AKT2: variants seen among roughly 807,000 people sequenced by gnomAD.
The protein encoded by AKT2 is RAC-beta serine/threonine-protein kinase.
AKT2 carries 16 observed loss-of-function variants against 58.6 expected under a neutral mutation model. The ratio of observed to expected loss-of-function variants is 0.27; its 90% CI spans 0.18 to 0.41. The LOEUF is 0.41. Ranked by LOEUF, AKT2 falls within the 10% of genes least tolerant of loss-of-function variation. The pLI, the probability that AKT2 is intolerant of heterozygous loss-of-function variation, is 1.00. For missense variants in AKT2, 438 were observed against 661.0 expected (o/e 0.66, Z 3.70); for synonymous variants, 253 against 254.0 (o/e 1.00, Z 0.04).
At chr19:40,256,186 G>A (rs1349662031) in intron 3 of AKT2, among the ~76,000 whole-genome samples, 4 of 152,144 alleles carry the variant, frequency 2.6e-5, no homozygotes, top group Non-Finnish European at 4.4e-5. Flanking sequence ...GATGTGTCAG[G>A]GTCACCAGCA....
rs960224177 is a variant in AKT2, at chr19:40,233,401, G to C, written c.*471C>G. On this transcript the variant is annotated 3_prime_UTR_variant, in exon 14 of 14. Transcript: ENST00000392038. The surrounding 1 kb of genome is among the most constrained non-coding windows in gnomAD (Gnocchi z 4.3). ...AGCGGGTGGGGGATTGGACCGCCCC[G>C]TGCCTGGCCACTCCGAGCCTAGGCC... 2.2e-6 allele frequency: 1 copy of C among 460,506 alleles called. No individual in the cohort carries two copies. The highest frequency in any genetic ancestry group is 4.1e-6 in the Non-Finnish European group (1 of 243,290). 28.5% of individuals were successfully genotyped at this position (460,506 alleles called of 1,614,324 possible).
At position 40,241,981 on chromosome 19, in the gene AKT2, T is replaced by C; in HGVS notation, c.530A>G (p.Tyr177Cys). 1.2e-6 allele frequency: 2 copies of C among 1,614,220 alleles called. No individual in the cohort carries two copies. Among genetic ancestry groups the C allele is most frequent in the South Asian group, 2.2e-5 (2 of 91,090 alleles). The change falls in exon 6 of 14, where the codon TAC (tyrosine) becomes TGC (cysteine). Residue 177 changes from tyrosine to cysteine, a missense_variant. Around this residue, in one of 3 missense-constraint regions of AKT2, gnomAD observed 244 missense variants for 347.1 expected, o/e 0.70. Coordinates refer to ENST00000392038, the MANE Select transcript of AKT2 (RefSeq NM_001626.6). ...ILVREKATGRYYAMKILRKEV... is the reference protein window; with the variant it reads ...ILVREKATGRCYAMKILRKEV... ...CTTCCGCAGGATCTTCATGGCGTAG[T>C]AGCGGCCAGTGGCCTTCTCCCGCAC...
chr19:40,248,016 G>C (rs1035321796), intron 4 of AKT2, among the ~76,000 whole-genome samples: 2 of 152,232 alleles, frequency 1.3e-5, no homozygotes, highest in African/African-American at 4.8e-5. Flanking sequence ...GGCAAGCACA[G>C]GCTCTGGGCC....
chr19:40,278,405 G>A (rs760773009), intron 1 of AKT2, among the ~76,000 whole-genome samples: 2 of 152,112 alleles, frequency 1.3e-5, no homozygotes, highest in South Asian at 2.1e-4. Flanking sequence ...ACTGAGAGGC[G>A]AACTACTCAC....
At chr19:40,244,828 G>A (rs1568533446) in intron 4 of AKT2, among the ~76,000 whole-genome samples, 1 of 152,214 alleles carries the variant, frequency 6.6e-6, no homozygotes, top group Non-Finnish European at 1.5e-5. Context: ...GGTCAGGCAG[G>A]GAACAAGTGT....
chr19:40,246,506 G>C (rs945638153), intron 4 of AKT2, among the ~76,000 whole-genome samples: 6 of 151,538 alleles, frequency 4.0e-5, no homozygotes, highest in Non-Finnish European at 8.8e-5. Flanking sequence ...AAATGATGGC[G>C]GATTGGGAAA....
At chr19:40,280,616 A>T (rs8102171) in intron 1 of AKT2, among the ~76,000 whole-genome samples, 1 of 151,944 alleles carries the variant, frequency 6.6e-6, no homozygotes, top group Non-Finnish European at 1.5e-5. Flanking sequence ...CCGCAGCCCC[A>T]GGACTCATCT....
chr19:40,280,957 G>A (rs1292855623), intron 1 of AKT2: 1 of 152,324 alleles, frequency 6.6e-6, no homozygotes, highest in East Asian at 1.9e-4. Context: ...TAGGGACTTT[G>A]GCAAGTACAC....
chr19:40,269,783 G>A (rs747540329), intron 1 of AKT2, among the ~76,000 whole-genome samples: 5 of 152,156 alleles, frequency 3.3e-5, no homozygotes, highest in Non-Finnish European at 5.9e-5. Context: ...GCTGAATACA[G>A]CAGGGAAGGA....
At chr19:40,261,314 C>T (rs1326106035) in intron 2 of AKT2, among the ~76,000 whole-genome samples, 1 of 152,136 alleles carries the variant, frequency 6.6e-6, no homozygotes, top group African/African-American at 2.4e-5. Context: ...AGGTGGATCA[C>T]CTGAGGTCAG....
At chr19:40,282,473 C>G in intron 1 of AKT2, 2 of 504,452 alleles carry the variant, frequency 4.0e-6, no homozygotes, top group Non-Finnish European at 8.1e-6. Flanking sequence ...TGCCTTGCCT[C>G]CACTCTGAGG....
chr19:40,235,772 G>T lies in AKT2; in HGVS notation c.1175+118C>A. On this transcript the variant is annotated intron_variant, in intron 11 of 13. Transcript: ENST00000392038. This position sits in a 1 kb window ranked among gnomAD's most constrained non-coding sequence, Gnocchi z 6.3. ...CTGTGGACGTTTTCAGGGGCTGTGT[G>T]GGGACGACACACTGCGACCCTACAA... The T allele has an allele frequency of 1.9e-6, 2 of 1,079,708 alleles. No individual in the cohort carries two copies. The highest frequency in any genetic ancestry group is 2.6e-6 in the Non-Finnish European group (2 of 763,998). 66.9% of individuals were successfully genotyped at this position (1,079,708 alleles called of 1,614,324 possible).
At chr19:40,239,889 T>G (rs1974283226) in intron 7 of AKT2, 156 bp downstream of exon 7, 1 of 887,140 alleles carries the variant, frequency 1.1e-6, no homozygotes, top group Non-Finnish European at 1.9e-6. Context: ...CCACCACATG[T>G]CTTGGTTCGG....
At chr19:40,261,307 T>C (rs1330650722) in intron 2 of AKT2, among the ~76,000 whole-genome samples, 1 of 151,846 alleles carries the variant, frequency 6.6e-6, no homozygotes, top group Non-Finnish European at 1.5e-5. Flanking sequence ...CCAAGGCAGG[T>C]GGATCACCTG....
At chr19:40,253,605 C>A (rs1293872655) in intron 4 of AKT2, among the ~76,000 whole-genome samples, 1 of 152,156 alleles carries the variant, frequency 6.6e-6, no homozygotes, top group Non-Finnish European at 1.5e-5. Flanking sequence ...TTTGAAAACA[C>A]AAGGCCATGG....
intron 4 of AKT2, among the ~76,000 whole-genome samples, chr19:40,247,476 T>C (rs983623781): frequency 3.3e-5 from 5 of 152,088 alleles, no homozygotes; most frequent in Non-Finnish European, 7.4e-5. Context: ...TACTCCTCCT[T>C]AGCACCACCC....
At position 40,255,286 on chromosome 19, in the gene AKT2, C is replaced by A. The variant is rs749016613; in HGVS notation, c.176-17G>T. 9 of 1,607,038 alleles carry A rather than the reference C, an allele frequency of 5.6e-6. No homozygotes were observed. Among genetic ancestry groups the A allele is most frequent in the Non-Finnish European group, 7.7e-6 (9 of 1,173,900 alleles). ...GCTGGCATTCTGCAGGCAGAGGGAA[C>A]AGACAGCAGGGGGCTGAGGGGATAG... On this transcript the variant is annotated splice_polypyrimidine_tract_variant and intron_variant, in intron 3 of 13. Transcript: ENST00000392038.
chr19:40,237,013 C>T lies in AKT2; in HGVS notation c.832-628G>A, dbSNP rs184994846. On this transcript the variant is annotated intron_variant, in intron 9 of 13. Coordinates refer to ENST00000392038, the MANE Select transcript of AKT2 (RefSeq NM_001626.6). This position sits in a 1 kb window ranked among gnomAD's most constrained non-coding sequence, Gnocchi z 4.5. ...CCCCCACAAGAATTAACCTCTACTTCCCATCTGTACCACTGCACACAGACA... is the reference window on the plus strand; with the variant it reads ...CCCCCACAAGAATTAACCTCTACTTTCCATCTGTACCACTGCACACAGACA... 2.7e-4 allele frequency: 48 copies of T among 175,848 alleles called. No homozygotes were observed. The highest frequency in any genetic ancestry group is 2.1e-3 in the Admixed American group (38 of 18,426). 10.9% of individuals were successfully genotyped at this position (175,848 alleles called of 1,614,324 possible).
chr19:40,236,441 C>T (rs1974030991), intron 9 of AKT2, 56 bp from the exon 10 acceptor site: 5 of 1,612,130 alleles, frequency 3.1e-6, no homozygotes, highest in African/African-American at 2.7e-5. Context: ...CCTGCCACCC[C>T]AGCCTTTCCT....
Sources: allele counts gnomAD v4.1 joint callset (sites outside exome capture counted in the v4.1 genomes callset), GRCh38; gene constraint gnomAD v4.1.1; regional missense constraint gnomAD v4.1.1; non-coding constraint Gnocchi (gnomAD v3.1); transcripts MANE v1.5; gene names NCBI Gene and HGNC (gene_info 2026-07-23, HGNC 2026-07-21).